Variants in MARF1 observed in about 807,000 individuals in gnomAD.
MARF1 encodes the protein meiosis regulator and mRNA stability factor 1, also known as limkain-b1.
A neutral mutation model predicts 168.2 loss-of-function variants in MARF1; 24 were observed. That is an observed-to-expected ratio of 0.14 (90% CI 0.10 to 0.20). The LOEUF is 0.20. MARF1 is among the 10% of genes least tolerant of loss of function. The pLI, the probability that MARF1 is intolerant of heterozygous loss-of-function variation, is 1.00. For missense variants in MARF1, 1,744 were observed against 2,143.6 expected, an observed-to-expected ratio of 0.81 and a Z score of 3.68; for synonymous variants, 868 against 822.4, an observed-to-expected ratio of 1.06 and a Z score of -0.95.
At chr16:15,608,556 CA>C (rs754247119) in intron 20 of MARF1, 38 bp from the exon 21 acceptor site, 14 of 1,490,998 alleles carry the variant, frequency 9.4e-6, no homozygotes, top group Non-Finnish European at 1.3e-5. Context: ...GGAAAATAAA[CA>C]AATCACGGGT....
Position 15,635,701 on chromosome 16 carries a change from C to A in MARF1, c.786G>T (p.Pro262=), listed in dbSNP as rs770537911. 1 of 1,614,072 alleles carries A rather than the reference C, an allele frequency of 6.2e-7. No homozygotes were observed. Among genetic ancestry groups the A allele is most frequent in the East Asian group, 2.2e-5 (1 of 44,886 alleles). The change falls in exon 3 of 27, where the codon CCG becomes CCT. Residue 262 remains proline (P), a synonymous_variant. Coordinates refer to ENST00000396368, the MANE Select transcript of MARF1 (RefSeq NM_014647.4). The stretch of plus-strand genomic sequence containing the variant: ...AGTAAAGTGAGCCCTTTAAACAAAC[C>A]GGAGGTACCACATTAAGGTGCAAAG... ...TNSLHLNVVP[P]VCLKGSLYCE...
In MARF1 at chr16:15,596,688, G is replaced by A. The variant is rs768615144; in HGVS notation, c.*5C>T. The A allele has an allele frequency of 1.2e-5, 19 of 1,572,064 alleles. No homozygotes were observed. Among genetic ancestry groups the A allele is most frequent in the Non-Finnish European group, 1.6e-5 (19 of 1,153,410 alleles). ...CCCATCCTAATTCTATATTCCAAAT[G>A]GGAGTTAAAGCTTGGTTATAGGTGC... On this transcript the variant is annotated 3_prime_UTR_variant, in exon 27 of 27. Coordinates refer to ENST00000396368, the MANE Select transcript of MARF1 (RefSeq NM_014647.4).
At chr16:15,618,028 T>C (rs1206134599) in intron 13 of MARF1, among the ~76,000 whole-genome samples, 2 of 152,208 alleles carry the variant, frequency 1.3e-5, no homozygotes, top group Non-Finnish European at 2.9e-5. Flanking sequence ...TTAAAGGCAC[T>C]GGCCCTGGAG....
rs2035544988 is a variant in MARF1, at chr16:15,635,695, A to C, written c.792T>G (p.Cys264Trp). ...CTTCGCAGTAAAGTGAGCCCTTTAA[A>C]CAAACCGGAGGTACCACATTAAGGT... ...SLHLNVVPPV[C>W]LKGSLYCEDC... Residue 264 changes from cysteine (C) to tryptophan (W), a missense_variant, in exon 3 of 27, where the codon TGT becomes TGG. By Grantham distance (215) the Cys-to-Trp change is radical (BLOSUM62 -2). Transcript: ENST00000396368. 1 of 1,614,092 alleles carries C rather than the reference A, an allele frequency of 6.2e-7. No homozygotes were observed. Among genetic ancestry groups the C allele is most frequent in the Non-Finnish European group, 8.5e-7 (1 of 1,180,038 alleles).
chr16:15,615,507 C>T (rs2033973953), intron 16 of MARF1, among the ~76,000 whole-genome samples: 1 of 152,128 alleles, frequency 6.6e-6, no homozygotes, highest in Admixed American at 6.6e-5. Flanking sequence ...TGCCTGTAGT[C>T]CCAGCTACTC....
At chr16:15,600,084 T>C (rs1334458670) in intron 25 of MARF1, among the ~76,000 whole-genome samples, 1 of 152,174 alleles carries the variant, frequency 6.6e-6, no homozygotes, top group Non-Finnish European at 1.5e-5. Context: ...GGCTATGTAT[T>C]GGGAGTTGGC....
intron 10 of MARF1, among the ~76,000 whole-genome samples, chr16:15,623,908 CTCTT>C (rs1316608078): frequency 7.5e-5 from 11 of 146,232 alleles, no homozygotes; most frequent in East Asian, 6.0e-4. Context: ...TAGTCACTTT[CTCTT>C]TTTTTTTTTT....
chr16:15,624,262 G>T (rs2034677677), intron 10 of MARF1, among the ~76,000 whole-genome samples: 1 of 152,184 alleles, frequency 6.6e-6, no homozygotes. Context: ...CAACTCAGCA[G>T]AACAAACACA....
chr16:15,623,240 A>C, intron 10 of MARF1, 117 bp from the exon 11 acceptor site: 1 of 601,226 alleles, frequency 1.7e-6, no homozygotes, highest in Non-Finnish European at 2.5e-6. Context: ...AACACAACCA[A>C]ACCAAACATT....
intron 22 of MARF1, chr16:15,602,544 AGAC>A (rs921663975): frequency 3.2e-5 from 16 of 506,594 alleles, no homozygotes; most frequent in East Asian, 1.5e-4. Context: ...AAGAAGACGA[AGAC>A]GACGAATTGG....
At chr16:15,614,077 A>C (rs142696161) in intron 16 of MARF1, among the ~76,000 whole-genome samples, 2 of 152,330 alleles carry the variant, frequency 1.3e-5, no homozygotes, top group Middle Eastern at 3.4e-3. Context: ...TGGTCTTTTA[A>C]ATTTATTTTC....
chr16:15,628,855 T>A (rs2035053287), intron 7 of MARF1, among the ~76,000 whole-genome samples: 1 of 152,116 alleles, frequency 6.6e-6, no homozygotes, highest in South Asian at 2.1e-4. Context: ...TTATTAAAAT[T>A]AAAGGAACAG....
chr16:15,611,183 G>T, intron 18 of MARF1, 75 bp from the exon 19 acceptor site: 1 of 1,463,508 alleles, frequency 6.8e-7, no homozygotes, highest in African/African-American at 1.4e-5. Context: ...TTCCGGCCGG[G>T]CGCTGGGGCT....
intron 17 of MARF1, among the ~76,000 whole-genome samples, chr16:15,612,292 G>A (rs145882213): frequency 6.0e-4 from 92 of 152,228 alleles, no homozygotes; most frequent in African/African-American, 1.6e-3. Context: ...AGAAAGCTGT[G>A]CTGGGATGAA....
chr16:15,610,956 C>T lies in MARF1; in HGVS notation c.3751+19G>A, dbSNP rs1166611476. 6.2e-7 allele frequency: 1 copy of T among 1,610,048 alleles called. No individual in the cohort carries two copies. Among genetic ancestry groups the T allele is most frequent in the Non-Finnish European group, 8.5e-7 (1 of 1,177,006 alleles). On this transcript the variant is annotated intron_variant, in intron 19 of 26. Transcript: ENST00000396368. ...CAGGAGATAGACAATATCCTTCCAG[C>T]AAATGTTAAGTCACATACCTCTTTT...
chr16:15,598,796 A>G lies in MARF1; in HGVS notation c.4984+58T>C, dbSNP rs1040926576. On this transcript the variant is annotated intron_variant, in intron 26 of 26. Coordinates refer to ENST00000396368, the MANE Select transcript of MARF1 (RefSeq NM_014647.4). ...CCGTCATTTACTATATCAGTATCTC[A>G]TCGTGGTTTTGTTTTAAACCCCGAA... 2.0e-6 allele frequency: 3 copies of G among 1,505,018 alleles called. No homozygotes were observed. The African/African-American group carries it at 4.1e-5, about 21-fold the overall frequency. 93.2% of individuals were successfully genotyped at this position (1,505,018 alleles called of 1,614,324 possible). A position where few individuals can be genotyped will look rare whatever the true frequency, so the allele number is the denominator to read the frequency against.
At chr16:15,638,680 G>T (rs966455364) in intron 2 of MARF1, among the ~76,000 whole-genome samples, 2 of 152,082 alleles carry the variant, frequency 1.3e-5, no homozygotes, top group South Asian at 2.1e-4. Flanking sequence ...GAGAAATCTC[G>T]AAATAAAAAA....
At chr16:15,629,073 C>T (rs574197676) in intron 7 of MARF1, among the ~76,000 whole-genome samples, 36 of 148,922 alleles carry the variant, frequency 2.4e-4, no homozygotes, top group Admixed American at 1.3e-3. Context: ...CTCGCTCTGT[C>T]GACCAGGCTG....
chr16:15,631,314 G>C (rs763517600), intron 6 of MARF1, 67 bp downstream of exon 6: 77 of 1,068,886 alleles, frequency 7.2e-5, no homozygotes, highest in Non-Finnish European at 1.1e-4. Context: ...TTCACATGTT[G>C]CTGGCTTCTA....
Sources: allele counts gnomAD v4.1 joint callset (sites outside exome capture counted in the v4.1 genomes callset), GRCh38; gene constraint gnomAD v4.1.1; transcripts MANE v1.5; gene names NCBI Gene and HGNC (gene_info 2026-07-23, HGNC 2026-07-21).